The following UBR3 variants were observed in gnomAD, a reference collection of about 807,000 sequenced individuals.
UBR3 encodes the protein E3 ubiquitin-protein ligase UBR3.
UBR3 carries 85 observed loss-of-function variants against 243.2 expected under a neutral mutation model. That is an observed-to-expected ratio of 0.35 (90% CI 0.29 to 0.42). The LOEUF is 0.42. Among genes scored for constraint, UBR3 ranks in the 10% least tolerant of loss-of-function variants. The probability of loss-of-function intolerance (pLI) is 1.00; values close to 1 mark genes in which losing one functional copy is unlikely to be tolerated. For missense variants in UBR3, 1,686 were observed against 2,300.8 expected (o/e 0.73, Z 5.47); for synonymous variants, 748 against 799.8 (o/e 0.94, Z 1.09).
At chr2:169,995,692 T>C (rs2089453179) in intron 26 of UBR3, among the ~76,000 whole-genome samples, 1 of 152,220 alleles carries the variant, frequency 6.6e-6, no homozygotes, top group East Asian at 1.9e-4. Context: ...AAAATTTCAT[T>C]ATGATACTTT....
intron 27 of UBR3, 125 bp downstream of exon 27, chr2:170,001,539 C>G (rs1363840392): frequency 3.2e-6 from 2 of 615,916 alleles, no homozygotes; most frequent in Non-Finnish European, 2.9e-6. Flanking sequence ...TATAAACTAT[C>G]CAGTCTCACT....
At chr2:169,865,653 T>C (rs2083233195) in intron 1 of UBR3, among the ~76,000 whole-genome samples, 1 of 152,248 alleles carries the variant, frequency 6.6e-6, no homozygotes, top group African/African-American at 2.4e-5. Flanking sequence ...TAATCCTTTC[T>C]CTTTCTGCTT....
chr2:169,859,615 T>C (rs1046518418), intron 1 of UBR3, among the ~76,000 whole-genome samples: 1 of 152,198 alleles, frequency 6.6e-6, no homozygotes, highest in African/African-American at 2.4e-5. Context: ...TTTTTATTGC[T>C]GTGTCATTAA....
At chr2:170,017,582 CA>C (rs2090283897) in intron 30 of UBR3, among the ~76,000 whole-genome samples, 1 of 91,200 alleles carries the variant, frequency 1.1e-5, no homozygotes, top group African/African-American at 5.1e-5. Context: ...CACACACACA[CA>C]GGGGGAGAAG....
At chr2:169,982,788 G>A (rs575103517) in intron 24 of UBR3, among the ~76,000 whole-genome samples, 1 of 152,058 alleles carries the variant, frequency 6.6e-6, no homozygotes, top group Non-Finnish European at 1.5e-5. Flanking sequence ...CAATTGTTGT[G>A]TAACTAGCTG....
chr2:169,839,499 T>C (rs1355669820), intron 1 of UBR3, among the ~76,000 whole-genome samples: 1 of 123,706 alleles, frequency 8.1e-6, no homozygotes, highest in Non-Finnish European at 1.9e-5. Flanking sequence ...CCATTGTAAA[T>C]TACAAAATAG....
intron 1 of UBR3, among the ~76,000 whole-genome samples, chr2:169,841,451 C>A (rs1424562382): frequency 6.6e-6 from 1 of 152,076 alleles, no homozygotes; most frequent in Non-Finnish European, 1.5e-5. Flanking sequence ...AGCCCTTTAG[C>A]CCCCCCACTG....
At chr2:170,021,990 G>A (rs1426301266) in intron 30 of UBR3, among the ~76,000 whole-genome samples, 2 of 152,052 alleles carry the variant, frequency 1.3e-5, no homozygotes, top group East Asian at 3.9e-4. Flanking sequence ...CAGTTAGATA[G>A]GACAAACTCT....
At chr2:169,859,318 G>T (rs767118873) in intron 1 of UBR3, among the ~76,000 whole-genome samples, 2 of 152,070 alleles carry the variant, frequency 1.3e-5, no homozygotes, top group Admixed American at 6.6e-5. Flanking sequence ...TGATCCACCC[G>T]CCTCGGCTTC....
intron 29 of UBR3, chr2:170,013,834 T>C: frequency 1.1e-5 from 5 of 449,418 alleles, no homozygotes; most frequent in South Asian, 8.3e-5. Context: ...TTAATTTTTT[T>C]CTACAGATTA....
At chr2:169,932,588 C>T (rs948575459) in intron 18 of UBR3, among the ~76,000 whole-genome samples, 5 of 152,106 alleles carry the variant, frequency 3.3e-5, no homozygotes, top group Non-Finnish European at 7.4e-5. Flanking sequence ...CTCAGAGATC[C>T]TAACCTGCTG....
rs563897073 is a variant in UBR3, at chr2:169,854,259, G to T, written c.546-17977G>T. On this transcript the variant is annotated intron_variant, in intron 1 of 38. Transcript: ENST00000272793. ...AAAATTCTTGTCAGAAATATACATT[G>T]GCAAATAGTTTTTTAATGACAATAG... is the stretch of plus-strand genomic sequence containing the variant. 2.6e-5 allele frequency among the ~76,000 whole-genome samples: 4 copies of T among 152,214 alleles called. No individual in the cohort carries two copies. The East Asian group carries it at 7.7e-4, about 29-fold the overall frequency.
In UBR3 at chr2:170,080,774, T is replaced by A. The variant is rs527752382; in HGVS notation, c.5549+90T>A. 33 of 1,379,542 alleles carry A rather than the reference T, an allele frequency of 2.4e-5. No homozygotes were observed. In the African/African-American group the frequency reaches 3.3e-4, roughly 14 times the overall value. The allele number at this position is 1,379,542 out of a possible 1,614,324, so 85.5% of individuals were successfully genotyped here. On this transcript the variant is annotated intron_variant, in intron 38 of 38. Coordinates refer to ENST00000272793, the MANE Select transcript of UBR3 (RefSeq NM_172070.4). The stretch of plus-strand genomic sequence containing the variant: ...ATTCCTGGCTTTGTAATTACAATTT[T>A]TTTAATATTAAGAAATTCTGACAGT...
intron 5 of UBR3, among the ~76,000 whole-genome samples, chr2:169,882,572 C>T (rs1423999861): frequency 6.6e-6 from 1 of 150,838 alleles, no homozygotes; most frequent in South Asian, 2.1e-4. Flanking sequence ...GAAACCCCAT[C>T]TCTACTGAAA....
intron 26 of UBR3, among the ~76,000 whole-genome samples, chr2:170,000,148 CAAAA>C (rs2089644782): frequency 6.9e-6 from 1 of 145,116 alleles, no homozygotes; most frequent in Non-Finnish European, 1.5e-5. Context: ...CCTCAAAAAA[CAAAA>C]CAAAAAAAAA....
rs1320649619 is a variant in UBR3, at chr2:170,054,515, C to T, written c.4661-945C>T. Among the ~76,000 whole-genome samples, 4 of 152,182 alleles carry T rather than the reference C, an allele frequency of 2.6e-5. No homozygotes were observed. In the East Asian group the frequency reaches 7.7e-4, roughly 29 times the overall value. ...GCCAGGCTGGTCTCAAACTCCTGAC[C>T]TTGTGATCCGCCCACCTCAGCCTCC... On this transcript the variant is annotated intron_variant, in intron 32 of 38. Coordinates refer to ENST00000272793, the MANE Select transcript of UBR3 (RefSeq NM_172070.4).
At chr2:169,924,601 AC>A (rs2085834620) in intron 13 of UBR3, among the ~76,000 whole-genome samples, 1 of 152,218 alleles carries the variant, frequency 6.6e-6, no homozygotes, top group Non-Finnish European at 1.5e-5. Flanking sequence ...TTCTTTTAAT[AC>A]CAGCAATGTA....
rs2091775862 is a variant in UBR3 at position 170,075,044 on chromosome 2, T to C, written c.5199+1437T>C. Among the ~76,000 whole-genome samples the C allele has an allele frequency of 2.0e-5, 3 of 152,248 alleles. No individual in the cohort carries two copies. In the South Asian group the frequency reaches 6.2e-4, roughly 32 times the overall value. ...GAACATCAAAGGGACAATAAAAAAT[T>C]AATATTTCAGATGAATGTGTCAGAC... is the stretch of plus-strand genomic sequence containing the variant. On this transcript the variant is annotated intron_variant, in intron 36 of 38. Coordinates refer to ENST00000272793, the MANE Select transcript of UBR3 (RefSeq NM_172070.4).
chr2:169,955,808 AAAAG>A (rs1405581483), intron 23 of UBR3, among the ~76,000 whole-genome samples: 1 of 143,932 alleles, frequency 6.9e-6, no homozygotes, highest in African/African-American at 2.6e-5. Context: ...AAAAAAAAAA[AAAAG>A]ATGTTGCAGG....
Sources: allele counts gnomAD v4.1 joint callset (sites outside exome capture counted in the v4.1 genomes callset), GRCh38; gene constraint gnomAD v4.1.1; transcripts MANE v1.5; gene names NCBI Gene and HGNC (gene_info 2026-07-23, HGNC 2026-07-21).